MAPK14: variants seen among roughly 807,000 people sequenced by gnomAD.
MAPK14 encodes mitogen-activated protein kinase 14, also known as CSAID-binding protein.
Under a neutral mutation model 49.6 loss-of-function variants are expected in MAPK14, and 16 were observed. That is an observed-to-expected ratio of 0.32 (90% CI 0.22 to 0.49). MAPK14 has a LOEUF of 0.49. Ranked by LOEUF, MAPK14 falls within the 20% of genes least tolerant of loss-of-function variation. The pLI is 0.99. For synonymous variants in MAPK14, 142 were observed against 158.0 expected (o/e 0.90, Z 0.76); for missense variants, 200 against 441.2 (o/e 0.45, Z 4.90).
chr6:36,048,224 A>T (rs1763259177), intron 1 of MAPK14, among the ~76,000 whole-genome samples: 1 of 150,888 alleles, frequency 6.6e-6, no homozygotes, highest in South Asian at 2.1e-4. Context: ...ATATTTTTTT[A>T]GTAGAGACGG....
chr6:36,040,253 A>G (rs1014625967), intron 1 of MAPK14, among the ~76,000 whole-genome samples: 15 of 152,178 alleles, frequency 9.9e-5, no homozygotes, highest in Admixed American at 7.9e-4. Context: ...CTCACTGTAT[A>G]CTAATAGCAA....
chr6:36,066,162 T>C (rs946392341), intron 3 of MAPK14, among the ~76,000 whole-genome samples: 1 of 152,182 alleles, frequency 6.6e-6, no homozygotes, highest in Non-Finnish European at 1.5e-5. Context: ...TTATCTCTAA[T>C]TTTCAGATGA....
At chr6:36,085,581 A>C (rs1419429676) in intron 8 of MAPK14, among the ~76,000 whole-genome samples, 2 of 152,234 alleles carry the variant, frequency 1.3e-5, no homozygotes, top group Non-Finnish European at 2.9e-5. Context: ...AGGGCATTAC[A>C]TAGTGGTAAA....
At chr6:36,056,057 A>G (rs1274319587) in intron 2 of MAPK14, among the ~76,000 whole-genome samples, 1 of 152,082 alleles carries the variant, frequency 6.6e-6, no homozygotes, top group Non-Finnish European at 1.5e-5. Flanking sequence ...AAAATTTGGT[A>G]GGGTATTTAC....
At chr6:36,101,792 G>A (rs1354696511) in intron 9 of MAPK14, among the ~76,000 whole-genome samples, 1 of 152,196 alleles carries the variant, frequency 6.6e-6, no homozygotes, top group Non-Finnish European at 1.5e-5. Flanking sequence ...GATTACAGGC[G>A]TGAGTCACCG....
intron 1 of MAPK14, among the ~76,000 whole-genome samples, chr6:36,035,175 G>A (rs1210006656): frequency 2.0e-5 from 3 of 152,248 alleles, no homozygotes; most frequent in South Asian, 2.1e-4. Context: ...GGGATTACAG[G>A]TGTGAGCCAC....
chr6:36,046,588 TG>T (rs1430207277), intron 1 of MAPK14, among the ~76,000 whole-genome samples: 1 of 152,218 alleles, frequency 6.6e-6, no homozygotes, highest in Non-Finnish European at 1.5e-5. Context: ...AGCTATTAAG[TG>T]GCAGAACTGG....
chr6:36,072,484 G>A (rs1232878267), intron 3 of MAPK14, among the ~76,000 whole-genome samples: 4 of 151,922 alleles, frequency 2.6e-5, no homozygotes, highest in African/African-American at 7.3e-5. Context: ...CTTAGAAGTC[G>A]GGCCAGGTGC....
At chr6:36,059,382 A>G (rs757022394) in intron 3 of MAPK14, 35 bp downstream of exon 3, 5 of 1,478,432 alleles carry the variant, frequency 3.4e-6, no homozygotes, top group East Asian at 2.3e-5. Context: ...TTCCTGGTCT[A>G]CAGAATGAAG....
chr6:36,123,409 C>T, the MAPK14 span, among the ~76,000 whole-genome samples: 11 of 152,302 alleles, frequency 7.2e-5, no homozygotes, highest in East Asian at 1.7e-3. Flanking sequence ...AAATCAGAAA[C>T]ATCCTAGGAC....
intron 1 of MAPK14, among the ~76,000 whole-genome samples, chr6:36,031,885 T>G (rs893769133): frequency 1.3e-5 from 2 of 152,194 alleles, no homozygotes; most frequent in Admixed American, 6.5e-5. Context: ...CATAATTTTT[T>G]GTGTGACTTC....
At chr6:36,088,519 G>A (rs1277009604) in intron 8 of MAPK14, among the ~76,000 whole-genome samples, 2 of 152,160 alleles carry the variant, frequency 1.3e-5, no homozygotes, top group East Asian at 1.9e-4. Flanking sequence ...TCAGGAGATC[G>A]AGATCATCCT....
chr6:36,105,765 A>G (rs1717018791), intron 10 of MAPK14, among the ~76,000 whole-genome samples: 1 of 152,108 alleles, frequency 6.6e-6, no homozygotes, highest in South Asian at 2.1e-4. Flanking sequence ...GTAGATCTCT[A>G]TAGGAAGCTG....
downstream of MAPK14, among the ~76,000 whole-genome samples, chr6:36,113,791 T>A (rs1766015659): frequency 6.6e-6 from 1 of 152,242 alleles, no homozygotes; most frequent in South Asian, 2.1e-4. Flanking sequence ...AAAGTCTATG[T>A]GACCTGGGGA....
intron 1 of MAPK14, among the ~76,000 whole-genome samples, chr6:36,047,432 T>C (rs1763223143): frequency 6.6e-6 from 1 of 152,122 alleles, no homozygotes; most frequent in Non-Finnish European, 1.5e-5. Flanking sequence ...GGTGGAATAA[T>C]CAGTGGTGAC....
In MAPK14 at chr6:36,108,579, TGTGCGTGCG is replaced by T. The variant is rs1765872039; in HGVS notation, c.*133_*141del. On this transcript the variant is annotated 3_prime_UTR_variant, in exon 12 of 12. Transcript: ENST00000229794. ...CATGGTGGAAGGGGGTGTGCGTGCG[TGTGCGTGCG>T]TGTTAGTGTGTGTGCATGTGTGTGT... is the stretch of plus-strand genomic sequence containing the variant. The T allele has an allele frequency of 1.4e-6, 1 of 711,160 alleles. No homozygotes were observed. The highest frequency in any genetic ancestry group is 2.5e-6 in the Non-Finnish European group (1 of 394,732). The allele number at this position is 711,160 out of a possible 1,614,324, so 44.1% of individuals were successfully genotyped here. A position where few individuals can be genotyped will look rare whatever the true frequency, so the allele number is the denominator to read the frequency against.
At chr6:36,120,425 T>A in the MAPK14 span, among the ~76,000 whole-genome samples, 1 of 150,362 alleles carries the variant, frequency 6.7e-6, no homozygotes, top group Admixed American at 6.6e-5. Flanking sequence ...CAGCACTTAG[T>A]CTATATTTGT....
intron 8 of MAPK14, among the ~76,000 whole-genome samples, chr6:36,092,920 AAG>A (rs1193861488): frequency 1.3e-5 from 2 of 152,220 alleles, no homozygotes; most frequent in Non-Finnish European, 2.9e-5. Flanking sequence ...ACTCAGTGGA[AAG>A]AGAGTTACAA....
chr6:36,059,687 G>GTTT (rs1763731853), intron 3 of MAPK14, among the ~76,000 whole-genome samples: 2 of 151,960 alleles, frequency 1.3e-5, no homozygotes, highest in African/African-American at 4.8e-5. Context: ...TGTTGTTGTT[G>GTTT]TTTTTGTTTT....
Sources: gnomAD v4.1 joint callset for allele counts (sites outside exome capture counted in the v4.1 genomes callset) on GRCh38, gnomAD v4.1.1 for gene constraint, MANE v1.5 for transcripts, NCBI Gene and HGNC (gene_info 2026-07-23, HGNC 2026-07-21) for gene names.